The following MCOLN2 variants were observed in gnomAD, a reference collection of about 807,000 sequenced individuals.
MCOLN2 encodes mucolipin TRP cation channel 2.
Under a neutral mutation model 67.5 loss-of-function variants are expected in MCOLN2, and 57 were observed. The ratio of observed to expected loss-of-function variants is 0.84; its 90% CI spans 0.68 to 1.05. The LOEUF (loss-of-function observed/expected upper bound fraction) is 1.05, where lower values mean the gene tolerates loss of function less well. MCOLN2 is among the 50% of genes least tolerant of loss of function. The pLI is 0.00. For synonymous variants in MCOLN2, 246 were observed against 233.3 expected, an observed-to-expected ratio of 1.05 and a Z score of -0.50; for missense variants, 620 against 678.8, an observed-to-expected ratio of 0.91 and a Z score of 0.96.
chr1:84,953,592 T>C (rs72718785), intron 4 of MCOLN2, among the ~76,000 whole-genome samples: 1 of 150,948 alleles, frequency 6.6e-6, no homozygotes, highest in Non-Finnish European at 1.5e-5. Context: ...GAAATCTGGA[T>C]GAAGGCTATA....
rs147777395 is a variant in MCOLN2, at chr1:84,934,383, A to G, written c.1336-2815T>C. ...AACTCAACCATTCATTTCACAAATG[A>G]TAAGTTTGCAGTTGGGCCAAAAACC... On this transcript the variant is annotated intron_variant, in intron 11 of 13. Coordinates refer to ENST00000370608, the MANE Select transcript of MCOLN2 (RefSeq NM_153259.4). Among the ~76,000 whole-genome samples, 9 of 152,322 alleles carry G rather than the reference A, an allele frequency of 5.9e-5. No homozygotes were observed. In the East Asian group the frequency reaches 1.7e-3, roughly 29 times the overall value.
chr1:84,950,486 T>C (rs1291486950), intron 6 of MCOLN2, among the ~76,000 whole-genome samples: 1 of 152,198 alleles, frequency 6.6e-6, no homozygotes, highest in East Asian at 1.9e-4. Context: ...TTCTATTTGT[T>C]TCAAGAGCTA....
chr1:84,983,897 G>A (rs746718646), intron 1 of MCOLN2, among the ~76,000 whole-genome samples: 1 of 151,238 alleles, frequency 6.6e-6, no homozygotes, highest in Non-Finnish European at 1.5e-5. Flanking sequence ...AGCTGGTCTC[G>A]ATCTCCTGAC....
chr1:84,953,896 C>G (rs928827704), intron 4 of MCOLN2, among the ~76,000 whole-genome samples: 7 of 152,174 alleles, frequency 4.6e-5, no homozygotes, highest in Non-Finnish European at 1.0e-4. Context: ...GACCCTTGCC[C>G]AGGCTGTTGC....
At chr1:84,969,320 C>T (rs1471500710) in intron 1 of MCOLN2, among the ~76,000 whole-genome samples, 1 of 152,154 alleles carries the variant, frequency 6.6e-6, no homozygotes, top group Non-Finnish European at 1.5e-5. Context: ...CCTATAATCC[C>T]AGCACTTTGG....
At chr1:84,935,339 A>G (rs1647361885) in intron 11 of MCOLN2, among the ~76,000 whole-genome samples, 1 of 152,216 alleles carries the variant, frequency 6.6e-6, no homozygotes, top group Non-Finnish European at 1.5e-5. Flanking sequence ...GAGATGCCAT[A>G]AACAGACCTG....
chr1:84,994,079 T>C (rs1651028827), intron 1 of MCOLN2, among the ~76,000 whole-genome samples: 1 of 152,256 alleles, frequency 6.6e-6, no homozygotes, highest in South Asian at 2.1e-4. Context: ...TGAGCAGTAA[T>C]ATTTTGAAAG....
chr1:84,971,377 A>G (rs982295697), intron 1 of MCOLN2, among the ~76,000 whole-genome samples: 3 of 152,156 alleles, frequency 2.0e-5, no homozygotes, highest in Non-Finnish European at 4.4e-5. Context: ...AAAAATTCTG[A>G]TATTTCAAGG....
intron 1 of MCOLN2, among the ~76,000 whole-genome samples, chr1:84,982,133 G>C (rs1277376992): frequency 1.3e-5 from 2 of 150,396 alleles, no homozygotes; most frequent in East Asian, 1.9e-4. Flanking sequence ...AAGCTGGGGT[G>C]GGGGGAAGCA....
At chr1:84,956,696 C>G in intron 3 of MCOLN2, 112 bp from the exon 4 acceptor site, 2 of 802,192 alleles carry the variant, frequency 2.5e-6, no homozygotes, top group Non-Finnish European at 3.8e-6. Context: ...CATCATGGCT[C>G]TCAATAGAAC....
rs11161491 is a variant in MCOLN2, at chr1:84,949,157, A to G, written c.748-2025T>C. ...TAAAAATAAAGTAAAATAAAATGAA[A>G]AGAATTTCTGAACTTGAAGACAGGT... On this transcript the variant is annotated intron_variant, in intron 6 of 13. Transcript: ENST00000370608. 9.7e-3 allele frequency among the ~76,000 whole-genome samples: 1,470 copies of G among 152,258 alleles called. 12 individuals are homozygous for G. The highest frequency in any genetic ancestry group is 0.014 in the Middle Eastern group (4 of 294).
rs1557665713 is a variant in MCOLN2, at chr1:84,987,519, T to TATAC, written c.77+9276_77+9277insGTAT. ...GTATACATAGATGTATACATATGTA[T>TATAC]ATATGTATACATCTATGTATACATA... On this transcript the variant is annotated intron_variant, in intron 1 of 13. Transcript: ENST00000370608. 2.0e-4 allele frequency among the ~76,000 whole-genome samples: 13 copies of TATAC among 65,882 alleles called. 2 individuals are homozygous for TATAC. The highest frequency in any genetic ancestry group is 3.9e-4 in the African/African-American group (9 of 23,012). The allele number at this position is 65,882 out of a possible 152,430, so 43.2% of individuals were successfully genotyped here. A position where few individuals can be genotyped will look rare whatever the true frequency, so the allele number is the denominator to read the frequency against.
intron 9 of MCOLN2, 78 bp from the exon 10 acceptor site, chr1:84,938,160 C>A: frequency 2.1e-6 from 2 of 966,706 alleles, no homozygotes; most frequent in Non-Finnish European, 3.0e-6. Context: ...TACATTAAAC[C>A]AATTAATAAA....
At chr1:84,985,392 T>C (rs1650458951) in intron 1 of MCOLN2, among the ~76,000 whole-genome samples, 1 of 152,238 alleles carries the variant, frequency 6.6e-6, no homozygotes, top group African/African-American at 2.4e-5. Flanking sequence ...CAGTATGGGT[T>C]CTTCTAGTCT....
intron 1 of MCOLN2, among the ~76,000 whole-genome samples, chr1:84,980,654 T>A (rs771922603): frequency 2.6e-4 from 39 of 152,078 alleles, no homozygotes; most frequent in Non-Finnish European, 4.9e-4. Context: ...CCCCTATCTA[T>A]CACCATATAC....
Position 84,956,559 on chromosome 1 carries a change from A to C in MCOLN2, c.437T>G (p.Leu146Arg). 1.9e-6 allele frequency: 3 copies of C among 1,607,316 alleles called. No individual in the cohort carries two copies. Among genetic ancestry groups the C allele is most frequent in the Non-Finnish European group, 2.5e-6 (3 of 1,178,176 alleles). The change falls in exon 4 of 14, where the codon CTG becomes CGG. Residue 146 changes from leucine to arginine, a missense_variant. Leu to Arg is a moderately radical substitution (Grantham distance 102). Coordinates refer to ENST00000370608, the MANE Select transcript of MCOLN2 (RefSeq NM_153259.4). ...NQYHQLKDIT[L>R]GTLGYGENED... ...ATTTTCTCCATAACCAAGGGTCCCC[A>C]GGGTAATGTCCTTTAGCTGATGATA...
intron 5 of MCOLN2, 26 bp downstream of exon 5, chr1:84,952,420 G>A (rs1458628052): frequency 1.3e-6 from 2 of 1,581,534 alleles, no homozygotes; most frequent in African/African-American, 1.3e-5. Context: ...CATCTCTTAG[G>A]GAATAACACT....
chr1:84,945,924 T>A (rs1270343272), intron 7 of MCOLN2, among the ~76,000 whole-genome samples: 9 of 151,994 alleles, frequency 5.9e-5, no homozygotes. Context: ...AATTTTTGTG[T>A]TTTTAGTAGA....
At chr1:84,983,494 C>T (rs1650358258) in intron 1 of MCOLN2, among the ~76,000 whole-genome samples, 1 of 151,868 alleles carries the variant, frequency 6.6e-6, no homozygotes, top group African/African-American at 2.4e-5. Flanking sequence ...GTCTCAAACT[C>T]CTGGATGCAG....
Sources: allele counts gnomAD v4.1 joint callset (sites outside exome capture counted in the v4.1 genomes callset), GRCh38; gene constraint gnomAD v4.1.1; transcripts MANE v1.5; gene names NCBI Gene and HGNC (gene_info 2026-07-23, HGNC 2026-07-21).